Variants in TXLNB observed in about 807,000 individuals in gnomAD.
TXLNB encodes taxilin beta, also known as beta-taxilin.
TXLNB carries 37 observed loss-of-function variants against 57.4 expected under a neutral mutation model. That is an observed-to-expected ratio of 0.64 (90% confidence interval 0.50 to 0.85). The LOEUF (loss-of-function observed/expected upper bound fraction) is 0.85, where lower values mean the gene tolerates loss of function less well. TXLNB is among the 40% of genes least tolerant of loss of function. The probability of loss-of-function intolerance (pLI) is 0.00; values close to 1 mark genes in which losing one functional copy is unlikely to be tolerated. For synonymous variants in TXLNB, 302 were observed against 309.6 expected, an observed-to-expected ratio of 0.98 and a Z score of 0.26; for missense variants, 848 against 825.6, an observed-to-expected ratio of 1.03 and a Z score of -0.33.
chr6:139,236,006 C>T (rs946852016), downstream of TXLNB, among the ~76,000 whole-genome samples: 2 of 152,140 alleles, frequency 1.3e-5, no homozygotes, highest in Non-Finnish European at 2.9e-5. Flanking sequence ...AGAGTCCGGA[C>T]GCTGGGCAGC....
chr6:139,268,697 G>C (rs1157795477), intron 4 of TXLNB, among the ~76,000 whole-genome samples: 2 of 152,154 alleles, frequency 1.3e-5, no homozygotes, highest in Non-Finnish European at 2.9e-5. Flanking sequence ...TTATCATGAA[G>C]ATTAAATGAA....
intron 4 of TXLNB, among the ~76,000 whole-genome samples, chr6:139,264,392 C>G (rs965176643): frequency 6.6e-6 from 1 of 151,888 alleles, no homozygotes; most frequent in Non-Finnish European, 1.5e-5. Flanking sequence ...ATGAAACACC[C>G]CATGCAAGTC....
At chr6:139,313,367 C>T in the TXLNB span, among the ~76,000 whole-genome samples, 31 of 152,252 alleles carry the variant, frequency 2.0e-4, no homozygotes, top group Middle Eastern at 3.4e-3. Context: ...CCGCTGCGCC[C>T]GGCCTGTCTT....
In TXLNB at chr6:139,260,307, A is replaced by G. The variant is rs1776447632; in HGVS notation, c.1002+11T>C. The G allele has an allele frequency of 6.2e-7, 1 of 1,613,792 alleles. No homozygotes were observed. Among genetic ancestry groups the G allele is most frequent in the Non-Finnish European group, 8.5e-7 (1 of 1,179,970 alleles). The stretch of plus-strand genomic sequence containing the variant: ...AGACCAGATATGCACAACGACTAAA[A>G]TGATAAATACATATTCCTTTTCTCG... On this transcript the variant is annotated intron_variant, in intron 6 of 9. Transcript: ENST00000358430.
At chr6:139,193,658 CTT>C in the TXLNB span, among the ~76,000 whole-genome samples, 189 of 143,010 alleles carry the variant, frequency 1.3e-3, no homozygotes, top group African/African-American at 2.6e-3. Context: ...CATCTTCTCA[CTT>C]TTTTTTTTTT....
chr6:139,301,540 C>T, the TXLNB span, among the ~76,000 whole-genome samples: 49 of 152,196 alleles, frequency 3.2e-4, no homozygotes, highest in African/African-American at 1.2e-3. Context: ...TATAGATGGT[C>T]TGGAAAAAAG....
intron 8 of TXLNB, among the ~76,000 whole-genome samples, chr6:139,245,153 A>G (rs989820249): frequency 3.9e-5 from 6 of 152,200 alleles, no homozygotes; most frequent in African/African-American, 1.4e-4. Flanking sequence ...GGGTCTTTAC[A>G]TTTATAGAGT....
intron 2 of TXLNB, among the ~76,000 whole-genome samples, chr6:139,285,800 T>C (rs1170148295): frequency 6.9e-6 from 1 of 145,218 alleles, no homozygotes; most frequent in Non-Finnish European, 1.5e-5. Flanking sequence ...GCAGCAGATA[T>C]CTCCAACCCT....
the TXLNB span, among the ~76,000 whole-genome samples, chr6:139,203,862 C>T: frequency 7.1e-6 from 1 of 140,894 alleles, no homozygotes; most frequent in Non-Finnish European, 1.6e-5. Context: ...TACTTAGGGA[C>T]TTGAGTTGAA....
chr6:139,257,351 G>A (rs1358244545), intron 6 of TXLNB, among the ~76,000 whole-genome samples: 1 of 152,038 alleles, frequency 6.6e-6, no homozygotes. Context: ...CTTGCATTTG[G>A]TCTTTCAAAG....
At chr6:139,166,703 C>A in the TXLNB span, 1 of 1,612,350 alleles carries the variant, frequency 6.2e-7, no homozygotes, top group African/African-American at 1.3e-5. Flanking sequence ...CCCAAATAAG[C>A]CCCAGAAAGG....
Position 139,242,036 on chromosome 6 carries a change from C to G in TXLNB, c.*490G>C, listed in dbSNP as rs1050267910. 7.5e-6 allele frequency: 1 copy of G among 132,598 alleles called. No homozygotes were observed. Among genetic ancestry groups the G allele is most frequent in the Non-Finnish European group, 1.5e-5 (1 of 65,444 alleles). 8.2% of individuals were successfully genotyped at this position (132,598 alleles called of 1,614,324 possible). On this transcript the variant is annotated 3_prime_UTR_variant, in exon 10 of 10. Transcript: ENST00000358430. The stretch of plus-strand genomic sequence containing the variant: ...ACAAATATTCACACATCTATACATA[C>G]GTGTATATATACATATAATAAGTAC...
At chr6:139,262,394 A>T (rs770755442) in intron 5 of TXLNB, among the ~76,000 whole-genome samples, 185 bp downstream of exon 5, 4 of 152,220 alleles carry the variant, frequency 2.6e-5, no homozygotes, top group Non-Finnish European at 5.9e-5. Flanking sequence ...AAGAAATCCC[A>T]TATGACTTTC....
rs560996197 is a variant in TXLNB at position 139,281,611 on chromosome 6, C to G, written c.425-4690G>C. On this transcript the variant is annotated intron_variant, in intron 2 of 9. Transcript: ENST00000358430. ...TCGCCCAGGCTGGAGTGCAGTGGCG[C>G]GATCTCGGCTCACTGCAAGCTCCGC... Among the ~76,000 whole-genome samples the G allele has an allele frequency of 8.7e-4, 82 of 93,896 alleles. 26 individuals are homozygous for G. Among genetic ancestry groups the G allele is most frequent in the African/African-American group, 5.4e-3 (67 of 12,314 alleles). 61.6% of individuals were successfully genotyped at this position (93,896 alleles called of 152,430 possible). A position where few individuals can be genotyped will look rare whatever the true frequency, so the allele number is the denominator to read the frequency against.
intron 5 of TXLNB, among the ~76,000 whole-genome samples, chr6:139,261,714 T>C (rs1400624594): frequency 6.6e-6 from 1 of 152,102 alleles, no homozygotes; most frequent in African/African-American, 2.4e-5. Context: ...CTATAAGATA[T>C]GGATAATATA....
At chr6:139,317,259 C>T in the TXLNB span, among the ~76,000 whole-genome samples, 1 of 151,998 alleles carries the variant, frequency 6.6e-6, no homozygotes. Context: ...AGATATTATC[C>T]AGTGATCTTG....
At chr6:139,183,761 A>G in the TXLNB span, among the ~76,000 whole-genome samples, 1 of 152,182 alleles carries the variant, frequency 6.6e-6, no homozygotes, top group South Asian at 2.1e-4. Context: ...CCTTTGAGAG[A>G]GGTTCTGCCA....
the TXLNB span, among the ~76,000 whole-genome samples, chr6:139,190,309 C>CTTTTTTTTTTTTTT: frequency 8.7e-6 from 1 of 115,258 alleles, no homozygotes; most frequent in Admixed American, 1.0e-4. Context: ...TTCTTTCTTT[C>CTTTTTTTTTTTTTT]TTTTTTTTTT....
At chr6:139,298,350 G>C in the TXLNB span, among the ~76,000 whole-genome samples, 1 of 152,128 alleles carries the variant, frequency 6.6e-6, no homozygotes, top group African/African-American at 2.4e-5. Flanking sequence ...TCTAGGATAG[G>C]CTCCTTTATA....
Sources: gnomAD v4.1 joint callset for allele counts (sites outside exome capture counted in the v4.1 genomes callset) on GRCh38, gnomAD v4.1.1 for gene constraint, MANE v1.5 for transcripts, NCBI Gene and HGNC (gene_info 2026-07-23, HGNC 2026-07-21) for gene names.